MACO1: variants seen among roughly 807,000 people sequenced by gnomAD.
The protein encoded by MACO1 is macoilin 1, also known as macoilin.
A neutral mutation model predicts 78.7 loss-of-function variants in MACO1; 14 were observed. The observed-to-expected ratio is 0.18, with a 90% CI of 0.12 to 0.28. The LOEUF (loss-of-function observed/expected upper bound fraction) is 0.28. MACO1 is among the 10% of genes least tolerant of loss of function. MACO1 has a pLI of 1.00. For synonymous variants in MACO1, 288 were observed against 291.6 expected (o/e 0.99, Z 0.12); for missense variants, 501 against 799.0 (o/e 0.63, Z 4.50).
At chr1:25,442,149 G>A (rs536090080) in intron 1 of MACO1, among the ~76,000 whole-genome samples, 61 of 152,320 alleles carry the variant, frequency 4.0e-4, no homozygotes, top group Admixed American at 2.2e-3. Context: ...CTAGTCCAGA[G>A]ACCAATACTT....
intron 6 of MACO1, among the ~76,000 whole-genome samples, chr1:25,471,050 T>C (rs1399203465): frequency 7.0e-6 from 1 of 143,346 alleles, no homozygotes; most frequent in East Asian, 2.1e-4. Flanking sequence ...AAAATATATA[T>C]GGGTAGGGCC....
At chr1:25,454,085 T>C (rs1449173750) in intron 3 of MACO1, among the ~76,000 whole-genome samples, 174 bp from the exon 4 acceptor site, 1 of 152,220 alleles carries the variant, frequency 6.6e-6, no homozygotes, top group Non-Finnish European at 1.5e-5. Context: ...TGTCAGCGAT[T>C]CTGTGGAATC....
At chr1:25,488,113 G>A (rs113028776) in intron 8 of MACO1, among the ~76,000 whole-genome samples, 206 of 152,300 alleles carry the variant, frequency 1.4e-3, no homozygotes, top group Non-Finnish European at 1.8e-3. Context: ...GTGCAATGGT[G>A]CAGTCATAGC....
intron 6 of MACO1, among the ~76,000 whole-genome samples, chr1:25,475,938 G>T (rs1403247776): frequency 1.3e-5 from 2 of 152,012 alleles, no homozygotes; most frequent in Non-Finnish European, 2.9e-5. Context: ...ATTTTTTAAT[G>T]ATTTAATTTT....
intron 6 of MACO1, among the ~76,000 whole-genome samples, chr1:25,472,330 C>T (rs1218452034): frequency 1.3e-5 from 2 of 152,154 alleles, no homozygotes; most frequent in Non-Finnish European, 2.9e-5. Flanking sequence ...CCGTCATCTA[C>T]ATTAGGTATT....
chr1:25,447,890 A>G (rs1304017546), intron 2 of MACO1, among the ~76,000 whole-genome samples: 5 of 152,174 alleles, frequency 3.3e-5, no homozygotes, highest in East Asian at 1.9e-4. Flanking sequence ...TCTTAAAACT[A>G]TAACTCCCAC....
At chr1:25,464,666 C>T (rs1252564182) in intron 6 of MACO1, among the ~76,000 whole-genome samples, 5 of 100,992 alleles carry the variant, frequency 5.0e-5, no homozygotes, top group Non-Finnish European at 6.9e-5. Context: ...CCCCACCCCC[C>T]CCCTCCGCGA....
intron 1 of MACO1, among the ~76,000 whole-genome samples, chr1:25,431,781 C>G (rs1385257179): frequency 6.6e-6 from 1 of 152,228 alleles, no homozygotes; most frequent in Non-Finnish European, 1.5e-5. Flanking sequence ...AGCTGATACC[C>G]CCAAATCATG....
intron 1 of MACO1, among the ~76,000 whole-genome samples, chr1:25,431,669 C>G (rs1490313194): frequency 1.3e-5 from 2 of 152,074 alleles, no homozygotes; most frequent in Admixed American, 1.3e-4. Context: ...ACTGTGGCCC[C>G]TCGTTCCCCC....
chr1:25,480,972 A>T (rs1414902306), intron 6 of MACO1, among the ~76,000 whole-genome samples: 9 of 113,128 alleles, frequency 8.0e-5, no homozygotes, highest in South Asian at 2.9e-4. Context: ...ATATATATAT[A>T]TATTTCATGT....
At chr1:25,447,333 T>G (rs2043025243) in intron 2 of MACO1, among the ~76,000 whole-genome samples, 1 of 152,210 alleles carries the variant, frequency 6.6e-6, no homozygotes, top group South Asian at 2.1e-4. Context: ...GGGCCCCTTT[T>G]CACTCGTAAA....
At chr1:25,441,598 G>A (rs2124572025) in intron 1 of MACO1, among the ~76,000 whole-genome samples, 1 of 152,330 alleles carries the variant, frequency 6.6e-6, no homozygotes, top group South Asian at 2.1e-4. Context: ...TTTTCTTGTG[G>A]ACTTTACATC....
chr1:25,489,366 G>A (rs2043464412), intron 9 of MACO1, 73 bp downstream of exon 9: 1 of 1,532,130 alleles, frequency 6.5e-7, no homozygotes, highest in Non-Finnish European at 8.8e-7. Flanking sequence ...CTGTGTTGCA[G>A]TGTAGAGATG....
At position 25,431,192 on chromosome 1, in the gene MACO1, C is replaced by T. The variant is rs2042861659; in HGVS notation, c.80+14C>T. 6.3e-7 allele frequency: 1 copy of T among 1,580,310 alleles called. No homozygotes were observed. The highest frequency in any genetic ancestry group is 1.1e-5 in the South Asian group (1 of 87,276). On this transcript the variant is annotated intron_variant, in intron 1 of 10. Transcript: ENST00000374343. Reference sequence around the variant, plus strand: ...CATTTACGGCAGGTGAGCGGCTGCACCCCCACTCCGCGGGCGCGGGCCCTG... The same window carrying T: ...CATTTACGGCAGGTGAGCGGCTGCATCCCCACTCCGCGGGCGCGGGCCCTG...
In MACO1 at chr1:25,498,527, T is replaced by A. The variant is rs2043557783; in HGVS notation, c.*61T>A. The stretch of plus-strand genomic sequence containing the variant: ...CCGGAAGGCATTGCAAAGGAGCGTC[T>A]CTGGCAGTCAAGATAAAAAAACAGT... On this transcript the variant is annotated 3_prime_UTR_variant, in exon 11 of 11. Coordinates refer to ENST00000374343, the MANE Select transcript of MACO1 (RefSeq NM_018202.6). 4 of 1,436,706 alleles carry A rather than the reference T, an allele frequency of 2.8e-6. No homozygotes were observed. In the East Asian group the frequency reaches 9.1e-5, roughly 33 times the overall value. The allele number at this position is 1,436,706 out of a possible 1,614,324, so 89.0% of individuals were successfully genotyped here.
At chr1:25,440,541 G>A (rs2042962355) in intron 1 of MACO1, among the ~76,000 whole-genome samples, 1 of 152,072 alleles carries the variant, frequency 6.6e-6, no homozygotes, top group Non-Finnish European at 1.5e-5. Context: ...GGCCAAGGCA[G>A]GCGGATCACC....
rs370752652 is a variant in MACO1 at position 25,481,029 on chromosome 1, T to C, written c.1155-3087T>C. Among the ~76,000 whole-genome samples, 19 of 147,716 alleles carry C rather than the reference T, an allele frequency of 1.3e-4. No individual in the cohort carries two copies. The East Asian group carries it at 3.3e-3, about 26-fold the overall frequency. Reference sequence around the variant, plus strand: ...AATCTAGATATTTTATGCTTTTTGGTCTCATAACTGCATTAGCTCATTGGA... The same window carrying C: ...AATCTAGATATTTTATGCTTTTTGGCCTCATAACTGCATTAGCTCATTGGA... On this transcript the variant is annotated intron_variant, in intron 6 of 10. Transcript: ENST00000374343.
chr1:25,451,735 GTC>G (rs1048349686), intron 3 of MACO1, among the ~76,000 whole-genome samples: 2 of 151,906 alleles, frequency 1.3e-5, no homozygotes, highest in African/African-American at 4.8e-5. Context: ...GGCGAAACTT[GTC>G]TCTACTAAAA....
Position 25,485,613 on chromosome 1 carries a change from G to A in MACO1, c.1314G>A (p.Lys438=). The A allele has an allele frequency of 1.2e-6, 2 of 1,610,848 alleles. No individual in the cohort carries two copies. Among genetic ancestry groups the A allele is most frequent in the South Asian group, 1.1e-5 (1 of 90,394 alleles). Residue 438 remains lysine, a splice_region_variant and synonymous_variant, in exon 8 of 11, where the codon AAG becomes AAA. Transcript: ENST00000374343. This position sits in a 1 kb window ranked among gnomAD's most constrained non-coding sequence, Gnocchi z 4.3. ...TTATATGACAATCATTTCCATATAG[G>A]TTACATAATGCTGTGCAAATGAAGC... is the stretch of plus-strand genomic sequence containing the variant. ...LRQENELLQN[K]LHNAVQMKQK... is the part of the protein sequence containing the mutation.
Sources: allele counts gnomAD v4.1 joint callset (sites outside exome capture counted in the v4.1 genomes callset), GRCh38; gene constraint gnomAD v4.1.1; non-coding constraint Gnocchi (gnomAD v3.1); transcripts MANE v1.5; gene names NCBI Gene and HGNC (gene_info 2026-07-23, HGNC 2026-07-21).